Variants in CDH20 observed in about 807,000 individuals in gnomAD.
The protein encoded by CDH20 is cadherin 20.
Under a neutral mutation model 74.2 loss-of-function variants are expected in CDH20, and 29 were observed. That is an observed-to-expected ratio of 0.39 (90% CI 0.29 to 0.53). The LOEUF is 0.53. Among genes scored for constraint, CDH20 ranks in the 20% least tolerant of loss-of-function variants. CDH20 has a pLI of 0.69. For synonymous variants in CDH20, 469 were observed against 405.4 expected, an observed-to-expected ratio of 1.16 and a Z score of -1.88; for missense variants, 988 against 1,048.3, an observed-to-expected ratio of 0.94 and a Z score of 0.79.
chr18:61,550,929 G>C (rs1236399157), intron 11 of CDH20, among the ~76,000 whole-genome samples: 1 of 152,196 alleles, frequency 6.6e-6, no homozygotes, highest in Non-Finnish European at 1.5e-5. Context: ...GATTTCTGGA[G>C]AATAAGCTGT....
rs181349999 is a variant in CDH20 at position 61,407,047 on chromosome 18, C to T, written c.-153+73220C>T. Among the ~76,000 whole-genome samples the T allele has an allele frequency of 6.6e-5, 10 of 152,334 alleles. No homozygotes were observed. The South Asian group carries it at 1.0e-3, about 16-fold the overall frequency. On this transcript the variant is annotated intron_variant, in intron 1 of 11. Coordinates refer to ENST00000262717, the MANE Select transcript of CDH20 (RefSeq NM_031891.4). The stretch of plus-strand genomic sequence containing the variant: ...CCATCAAGATAAAGAATAACTGCTC[C>T]TCAAGTAAGAGGACTTGGCAACACC...
chr18:61,490,534 T>C lies in CDH20; in HGVS notation c.-20T>C. 2 of 1,608,332 alleles carry C rather than the reference T, an allele frequency of 1.2e-6. No homozygotes were observed. Among genetic ancestry groups the C allele is most frequent in the Middle Eastern group, 1.7e-4 (1 of 6,036 alleles). ...AGTTGCTTATCATTCTCCTTCATTTTCTGAAAACCTGGCAATCCCATGTGG... is the reference window on the plus strand; with the variant it reads ...AGTTGCTTATCATTCTCCTTCATTTCCTGAAAACCTGGCAATCCCATGTGG... On this transcript the variant is annotated 5_prime_UTR_variant, in exon 2 of 12. Transcript: ENST00000262717.
chr18:61,426,403 T>C (rs1913073100), intron 1 of CDH20, among the ~76,000 whole-genome samples: 1 of 152,146 alleles, frequency 6.6e-6, no homozygotes, highest in African/African-American at 2.4e-5. Context: ...CTTCAAAGCC[T>C]TAGGGGAGAA....
chr18:61,396,533 C>G (rs1911984122), intron 1 of CDH20, among the ~76,000 whole-genome samples: 1 of 152,158 alleles, frequency 6.6e-6, no homozygotes, highest in Non-Finnish European at 1.5e-5. Flanking sequence ...GAATGGAGCT[C>G]CTTTCTGTTA....
chr18:61,428,068 T>C (rs774729039), intron 1 of CDH20, among the ~76,000 whole-genome samples: 1 of 152,146 alleles, frequency 6.6e-6, no homozygotes, highest in Non-Finnish European at 1.5e-5. Flanking sequence ...TGCTGTAAGA[T>C]TGGCACAAGC....
intron 1 of CDH20, among the ~76,000 whole-genome samples, chr18:61,477,638 A>G (rs1317041372): frequency 2.0e-5 from 3 of 152,160 alleles, no homozygotes; most frequent in African/African-American, 7.2e-5. Context: ...TATGGCTTAC[A>G]CTGATTTTTT....
At chr18:61,375,114 G>A (rs1911175299) in intron 1 of CDH20, among the ~76,000 whole-genome samples, 2 of 152,038 alleles carry the variant, frequency 1.3e-5, no homozygotes, top group East Asian at 1.9e-4. Flanking sequence ...GAGGCTAAGG[G>A]ACATGTCTCA....
chr18:61,491,032 G>A (rs1910942348), intron 2 of CDH20, among the ~76,000 whole-genome samples: 1 of 152,176 alleles, frequency 6.6e-6, no homozygotes, highest in South Asian at 2.1e-4. Flanking sequence ...TGGGAATTGG[G>A]ATTTGGAGGA....
At chr18:61,474,317 G>C (rs1910292538) in intron 1 of CDH20, among the ~76,000 whole-genome samples, 1 of 152,180 alleles carries the variant, frequency 6.6e-6, no homozygotes, top group Non-Finnish European at 1.5e-5. Flanking sequence ...CTGTGAAGAT[G>C]AATTTTTAAA....
chr18:61,388,557 T>C (rs1372541258), intron 1 of CDH20, among the ~76,000 whole-genome samples: 1 of 152,182 alleles, frequency 6.6e-6, no homozygotes, highest in South Asian at 2.1e-4. Flanking sequence ...TTGATTTGCA[T>C]TTTGGAGATT....
At position 61,356,698 on chromosome 18, in the gene CDH20, A is replaced by G. The variant is rs550214576; in HGVS notation, c.-153+22871A>G. On this transcript the variant is annotated intron_variant, in intron 1 of 11. Transcript: ENST00000262717. ...ATGATCCTTAAGGCAGGTGGCTTTC[A>G]ATTAGTTTGGCTGACAGCTCTGGCT... 1.1e-3 allele frequency among the ~76,000 whole-genome samples: 166 copies of G among 152,318 alleles called. 2 individuals carry two copies. The highest frequency in any genetic ancestry group is 3.5e-3 in the African/African-American group (147 of 41,574).
chr18:61,407,697 C>T (rs1912376004), intron 1 of CDH20, among the ~76,000 whole-genome samples: 1 of 152,194 alleles, frequency 6.6e-6, no homozygotes, highest in African/African-American at 2.4e-5. Flanking sequence ...GTTAAAAATG[C>T]ATAACCCAAT....
In CDH20 at chr18:61,527,366, A is replaced by G. The variant is rs565930583; in HGVS notation, c.1018-601A>G. ...TAGGCCTCAGTTGCATGAATATTCT[A>G]ATAGATAGATAGATAGATAGATAGA... On this transcript the variant is annotated intron_variant, in intron 6 of 11. Transcript: ENST00000262717. 4.5e-3 allele frequency among the ~76,000 whole-genome samples: 645 copies of G among 142,140 alleles called. 6 individuals carry two copies. The highest frequency in any genetic ancestry group is 0.014 in the African/African-American group (538 of 38,890). 93.2% of individuals were successfully genotyped at this position (142,140 alleles called of 152,430 possible).
chr18:61,473,459 G>A (rs1910258245), intron 1 of CDH20, among the ~76,000 whole-genome samples: 1 of 152,072 alleles, frequency 6.6e-6, no homozygotes, highest in Non-Finnish European at 1.5e-5. Context: ...AACAAAAACT[G>A]GTAAAGTTTA....
intron 1 of CDH20, among the ~76,000 whole-genome samples, chr18:61,372,208 C>T (rs1911066941): frequency 6.6e-6 from 1 of 151,972 alleles, no homozygotes; most frequent in Non-Finnish European, 1.5e-5. Context: ...TCTTTCCTAG[C>T]TCTCTAGAAG....
At chr18:61,413,237 G>A (rs1912570032) in intron 1 of CDH20, among the ~76,000 whole-genome samples, 1 of 152,012 alleles carries the variant, frequency 6.6e-6, no homozygotes, top group African/African-American at 2.4e-5. Context: ...TCATATGGTG[G>A]GATTTATGAA....
At chr18:61,537,625 T>C (rs2144389229) in intron 8 of CDH20, among the ~76,000 whole-genome samples, 1 of 152,320 alleles carries the variant, frequency 6.6e-6, no homozygotes, top group African/African-American at 2.4e-5. Context: ...ACTCCAATTT[T>C]AGACACCCAT....
At position 61,373,151 on chromosome 18, in the gene CDH20, A is replaced by G. The variant is rs1037752246; in HGVS notation, c.-153+39324A>G. Among the ~76,000 whole-genome samples, 8 of 151,978 alleles carry G rather than the reference A, an allele frequency of 5.3e-5. 1 individual carries two copies. In the East Asian group the frequency reaches 1.4e-3, roughly 26 times the overall value. ...TCTTACACAGATGGCATGTGAATGC[A>G]TGATTTAGAATAAATGACAGATGAA... On this transcript the variant is annotated intron_variant, in intron 1 of 11. Transcript: ENST00000262717.
chr18:61,530,762 C>A (rs1358153278), intron 7 of CDH20, among the ~76,000 whole-genome samples: 1 of 152,148 alleles, frequency 6.6e-6, no homozygotes, highest in Non-Finnish European at 1.5e-5. Flanking sequence ...GATACTGAGC[C>A]ATTTGGCAAC....
Sources: gnomAD v4.1 joint callset for allele counts (sites outside exome capture counted in the v4.1 genomes callset) on GRCh38, gnomAD v4.1.1 for gene constraint, MANE v1.5 for transcripts, NCBI Gene and HGNC (gene_info 2026-07-23, HGNC 2026-07-21) for gene names.